Variants in DIPK1C observed in about 807,000 individuals in gnomAD.
The protein encoded by DIPK1C is familial non-conventional Alzheimer's dementia.
In DIPK1C, 33 loss-of-function variants were observed where a neutral mutation model predicts 28.0. The ratio of observed to expected loss-of-function variants is 1.18; its 90% CI spans 0.89 to 1.58. The LOEUF (loss-of-function observed/expected upper bound fraction) is 1.58, where lower values mean the gene tolerates loss of function less well. DIPK1C is among the 40% of genes most tolerant of loss of function. The pLI, the probability that DIPK1C is intolerant of heterozygous loss-of-function variation, is 0.00. For missense variants in DIPK1C, 569 were observed against 568.5 expected (o/e 1.00, Z -0.01); for synonymous variants, 255 against 248.8 (o/e 1.02, Z -0.23).
intron 1 of DIPK1C, among the ~76,000 whole-genome samples, chr18:74,456,450 C>G (rs1161906550): frequency 6.6e-6 from 1 of 152,268 alleles, no homozygotes; most frequent in Admixed American, 6.5e-5. Flanking sequence ...CAGCCGCCTC[C>G]GCAGCGCTCT....
rs751102245 is a variant in DIPK1C, at chr18:74,442,113, C to T, written c.880G>A (p.Val294Met). 1.2e-6 allele frequency: 2 copies of T among 1,614,058 alleles called. No individual in the cohort carries two copies. Among genetic ancestry groups the T allele is most frequent in the South Asian group, 2.2e-5 (2 of 91,086 alleles). ...NFAIRSDFTV[V>M]AIDVDMAFFE... Reference sequence around the variant, plus strand: ...AAGGCCATGTCCACATCAATAGCCACCACCTGTAATCAAAACAGCACGGGG... The same window carrying T: ...AAGGCCATGTCCACATCAATAGCCATCACCTGTAATCAAAACAGCACGGGG... Residue 294 changes from valine (V) to methionine (M), a missense_variant, in exon 3 of 4, where the codon GTG becomes ATG. Coordinates refer to ENST00000343998, the MANE Select transcript of DIPK1C (RefSeq NM_001044369.3).
chr18:74,434,973 C>T lies in DIPK1C; in HGVS notation c.*1528G>A, dbSNP rs961962693. 2.0e-5 allele frequency: 3 copies of T among 152,228 alleles called. No individual in the cohort carries two copies. Among genetic ancestry groups the T allele is most frequent in the African/African-American group, 7.2e-5 (3 of 41,442 alleles). 9.4% of individuals were successfully genotyped at this position (152,228 alleles called of 1,614,324 possible). A position where few individuals can be genotyped will look rare whatever the true frequency, so the allele number is the denominator to read the frequency against. ...GCTGGCAGTGGGCCTTCCAACAGGTCTTTGGGGAAGGCAGAATTTAGAGCT... is the reference window on the plus strand; with the variant it reads ...GCTGGCAGTGGGCCTTCCAACAGGTTTTTGGGGAAGGCAGAATTTAGAGCT... On this transcript the variant is annotated 3_prime_UTR_variant, in exon 4 of 4. Transcript: ENST00000343998.
chr18:74,448,573 C>G (rs11664265), intron 1 of DIPK1C, among the ~76,000 whole-genome samples: 3 of 151,956 alleles, frequency 2.0e-5, no homozygotes, highest in Non-Finnish European at 2.9e-5. Context: ...TCCTTCCTTG[C>G]GTCACACTCC....
intron 1 of DIPK1C, among the ~76,000 whole-genome samples, chr18:74,454,216 A>G (rs6566807): frequency 0.78 from 118,449 of 152,160 alleles, 46,312 homozygotes; most frequent in East Asian, 0.99. Context: ...AAGACCAGGG[A>G]CTCAATTCCT....
Position 74,447,129 on chromosome 18 carries a change from T to G in DIPK1C, c.353A>C (p.Lys118Thr). The G allele has an allele frequency of 6.4e-7, 1 of 1,550,532 alleles. No individual in the cohort carries two copies. Among genetic ancestry groups the G allele is most frequent in the Non-Finnish European group, 8.7e-7 (1 of 1,146,970 alleles). ...WRGRPVVLKS[K>T]EEAFSSFPPL... ...CGGGAAGCTGGAGAAGGCCTCCTCCTTGGACTTGAGGACCACGGGCCGGCC... is the reference window on the plus strand; with the variant it reads ...CGGGAAGCTGGAGAAGGCCTCCTCCGTGGACTTGAGGACCACGGGCCGGCC... The change falls in exon 2 of 4, where the codon AAG becomes ACG. Residue 118 changes from lysine (K) to threonine (T), a missense_variant. Physicochemically the swap from Lys to Thr is moderately conservative, Grantham distance 78. Transcript: ENST00000343998. This position sits in a 1 kb window ranked among gnomAD's most constrained non-coding sequence, Gnocchi z 4.1.
At chr18:74,436,777 C>T in intron 3 of DIPK1C, 58 bp from the exon 4 acceptor site, 3 of 1,472,080 alleles carry the variant, frequency 2.0e-6, no homozygotes, top group Non-Finnish European at 2.7e-6. Context: ...TAAAAGCTTC[C>T]CAAGCCCAGG....
chr18:74,449,298 A>T (rs1474094639), intron 1 of DIPK1C, among the ~76,000 whole-genome samples: 14 of 152,306 alleles, frequency 9.2e-5, no homozygotes, highest in Admixed American at 7.8e-4. Flanking sequence ...ACTGCCCCAT[A>T]AGCAAAATAT....
intron 3 of DIPK1C, among the ~76,000 whole-genome samples, chr18:74,440,990 G>A (rs1986109912): frequency 2.0e-5 from 3 of 151,928 alleles, no homozygotes; most frequent in Non-Finnish European, 4.4e-5. Flanking sequence ...CAGAGTCGGG[G>A]TGTTTGTTTG....
At chr18:74,444,744 C>T (rs1371068630) in intron 2 of DIPK1C, among the ~76,000 whole-genome samples, 1 of 152,180 alleles carries the variant, frequency 6.6e-6, no homozygotes, top group East Asian at 1.9e-4. Flanking sequence ...CCTGCCCTCC[C>T]CTCCCTATTC....
intron 2 of DIPK1C, among the ~76,000 whole-genome samples, chr18:74,444,602 C>G (rs1224785729): frequency 6.6e-6 from 1 of 152,230 alleles, no homozygotes; most frequent in African/African-American, 2.4e-5. Flanking sequence ...GTTTGCATTT[C>G]TAAATGAGCT....
At chr18:74,441,108 C>T (rs1053837129) in intron 3 of DIPK1C, among the ~76,000 whole-genome samples, 4 of 152,204 alleles carry the variant, frequency 2.6e-5, no homozygotes, top group Admixed American at 2.0e-4. Flanking sequence ...CCTGCTCCCA[C>T]CTTACCTGCG....
chr18:74,449,384 A>G (rs1358851737), intron 1 of DIPK1C, among the ~76,000 whole-genome samples: 1 of 152,226 alleles, frequency 6.6e-6, no homozygotes, highest in Non-Finnish European at 1.5e-5. Flanking sequence ...ACAGCAGATA[A>G]GAGAGGGACT....
chr18:74,462,141 G>A (rs1030970519), upstream of DIPK1C, among the ~76,000 whole-genome samples: 3 of 152,112 alleles, frequency 2.0e-5, no homozygotes, highest in South Asian at 2.1e-4. Context: ...CATTCAATTC[G>A]GTGATTCTCA....
At chr18:74,440,385 CTA>C (rs1209409142) in intron 3 of DIPK1C, among the ~76,000 whole-genome samples, 35 of 152,184 alleles carry the variant, frequency 2.3e-4, no homozygotes, top group Admixed American at 6.5e-4. Context: ...AAGAGCATGG[CTA>C]TGTCTAACAG....
Position 74,446,962 on chromosome 18 carries a change from C to T in DIPK1C, c.520G>A (p.Gly174Ser). Reference protein sequence around the residue: ...SNSSLGPWWPGRRGPRWRGQL... With the variant: ...SNSSLGPWWPSRRGPRWRGQL... ...CCCCGCCAGCGTGGGCCCCGCCTGC[C>T]CGGCCACCACGGCCCCAGGCTGCTG... Residue 174 changes from glycine (G) to serine (S), a missense_variant, in exon 2 of 4, where the codon GGC becomes AGC. Transcript: ENST00000343998. The T allele has an allele frequency of 6.6e-7, 1 of 1,508,130 alleles. No individual in the cohort carries two copies. The highest frequency in any genetic ancestry group is 8.9e-7 in the Non-Finnish European group (1 of 1,122,982). 93.4% of individuals were successfully genotyped at this position (1,508,130 alleles called of 1,614,324 possible).
At chr18:74,450,153 C>T (rs1986367955) in intron 1 of DIPK1C, among the ~76,000 whole-genome samples, 1 of 151,860 alleles carries the variant, frequency 6.6e-6, no homozygotes, top group African/African-American at 2.4e-5. Flanking sequence ...GGGTTTGTCC[C>T]CTACTTGTTC....
chr18:74,442,070 C>T lies in DIPK1C; in HGVS notation c.923G>A (p.Arg308Lys), dbSNP rs1986140174. The change falls in exon 3 of 4, where the codon AGG (arginine) becomes AAG (lysine). Residue 308 changes from arginine to lysine, a missense_variant. Physicochemically the swap from Arg to Lys is conservative, Grantham distance 26. Coordinates refer to ENST00000343998, the MANE Select transcript of DIPK1C (RefSeq NM_001044369.3). ...VDMAFFEPKM[R>K]EILEQNCTGD... is the part of the protein sequence containing the mutation. ...TGTGCAGTTTTGCTCAAGGATTTCC[C>T]TCATTTTAGGTTCAAAAAAGGCCAT... 2 of 1,614,014 alleles carry T rather than the reference C, an allele frequency of 1.2e-6. No individual in the cohort carries two copies. The highest frequency in any genetic ancestry group is 1.7e-5 in the Admixed American group (1 of 59,992).
chr18:74,464,052 C>G, the DIPK1C span, among the ~76,000 whole-genome samples: 2 of 152,136 alleles, frequency 1.3e-5, no homozygotes, highest in Non-Finnish European at 2.9e-5. Flanking sequence ...TATAAGAAGC[C>G]ATAGAGTCAC....
intron 2 of DIPK1C, among the ~76,000 whole-genome samples, chr18:74,442,699 G>A (rs1200056575): frequency 6.6e-6 from 1 of 152,242 alleles, no homozygotes. Context: ...GACCTCTGCA[G>A]CCATGGGTGA....
Sources: allele counts gnomAD v4.1 joint callset (sites outside exome capture counted in the v4.1 genomes callset), GRCh38; gene constraint gnomAD v4.1.1; non-coding constraint Gnocchi (gnomAD v3.1); transcripts MANE v1.5; gene names NCBI Gene and HGNC (gene_info 2026-07-23, HGNC 2026-07-21).